The following ATG10 variants were observed in gnomAD, a reference collection of about 807,000 sequenced individuals.
ATG10 encodes ubiquitin-like-conjugating enzyme ATG10.
ATG10 carries 30 observed loss-of-function variants against 32.1 expected under a neutral mutation model. The ratio of observed to expected loss-of-function variants is 0.94; its 90% confidence interval spans 0.70 to 1.27. ATG10 has a LOEUF of 1.27. Among genes scored for constraint, ATG10 ranks in the 50% most tolerant of loss-of-function variants. The pLI, the probability that ATG10 is intolerant of heterozygous loss-of-function variation, is 0.00. For missense variants in ATG10, 233 were observed against 262.3 expected (o/e 0.89, Z 0.77); for synonymous variants, 87 against 91.5 (o/e 0.95, Z 0.28).
chr5:82,082,722 A>G (rs1764526710), intron 3 of ATG10, among the ~76,000 whole-genome samples: 1 of 152,216 alleles, frequency 6.6e-6, no homozygotes, highest in Non-Finnish European at 1.5e-5. Context: ...TTCATGAAAT[A>G]GAAACCATAT....
intron 1 of ATG10, among the ~76,000 whole-genome samples, chr5:81,979,159 C>T (rs1339933199): frequency 6.6e-6 from 1 of 152,004 alleles, no homozygotes; most frequent in East Asian, 1.9e-4. Flanking sequence ...CTCAGCTTCC[C>T]AAAGTGCTGG....
rs1170014307 is a variant in ATG10, at chr5:82,255,075, C to T, written c.*1012C>T. ...TTTAAACATTAAAATTTCTTTTTGACCTATAGTAATAAAACAATGGTCATT... is the reference window on the plus strand; with the variant it reads ...TTTAAACATTAAAATTTCTTTTTGATCTATAGTAATAAAACAATGGTCATT... On this transcript the variant is annotated 3_prime_UTR_variant, in exon 8 of 8. Transcript: ENST00000282185. 3 of 152,098 alleles carry T rather than the reference C, an allele frequency of 2.0e-5. No individual in the cohort carries two copies. Among genetic ancestry groups the T allele is most frequent in the Admixed American group, 2.0e-4 (3 of 15,274 alleles). 9.4% of individuals were successfully genotyped at this position (152,098 alleles called of 1,614,324 possible).
At chr5:82,045,578 A>G (rs969212456) in intron 2 of ATG10, among the ~76,000 whole-genome samples, 3 of 152,144 alleles carry the variant, frequency 2.0e-5, no homozygotes, top group Non-Finnish European at 4.4e-5. Flanking sequence ...TTTCTGAGAC[A>G]TTAATGCCAA....
At chr5:82,220,764 T>C (rs78255628) in intron 5 of ATG10, among the ~76,000 whole-genome samples, 14 of 146,554 alleles carry the variant, frequency 9.6e-5, no homozygotes, top group South Asian at 6.4e-4. Flanking sequence ...TTCTCTCTCT[T>C]TTTTTTTTTT....
At chr5:82,135,580 C>T (rs949283169) in intron 3 of ATG10, among the ~76,000 whole-genome samples, 8 of 152,192 alleles carry the variant, frequency 5.3e-5, no homozygotes, top group African/African-American at 1.9e-4. Flanking sequence ...GCACTGTGAT[C>T]TGAGAGACTG....
chr5:82,006,979 G>A (rs1294516635), intron 2 of ATG10, among the ~76,000 whole-genome samples: 2 of 151,934 alleles, frequency 1.3e-5, no homozygotes, highest in Admixed American at 6.6e-5. Flanking sequence ...TCAGCCTCCC[G>A]AGTAGCTGGG....
intron 3 of ATG10, among the ~76,000 whole-genome samples, chr5:82,156,724 C>A (rs990709950): frequency 1.3e-5 from 2 of 152,144 alleles, no homozygotes; most frequent in African/African-American, 4.8e-5. Context: ...AAAATTTTCC[C>A]CTCTTCCTCT....
chr5:82,017,681 T>A (rs1762327113), intron 2 of ATG10, among the ~76,000 whole-genome samples: 1 of 152,138 alleles, frequency 6.6e-6, no homozygotes, highest in African/African-American at 2.4e-5. Flanking sequence ...GTAGTAAAAT[T>A]TCTTTTCTTA....
intron 5 of ATG10, among the ~76,000 whole-genome samples, chr5:82,188,668 G>A (rs1257310855): frequency 3.3e-5 from 5 of 152,158 alleles, no homozygotes; most frequent in Admixed American, 2.6e-4. Flanking sequence ...GAAGCCTGGG[G>A]GCTGGGGGTG....
At chr5:82,191,444 G>A (rs1274251995) in intron 5 of ATG10, among the ~76,000 whole-genome samples, 6 of 152,120 alleles carry the variant, frequency 3.9e-5, no homozygotes. Flanking sequence ...AAGCCCTTAA[G>A]GTCTGCTCTT....
intron 5 of ATG10, among the ~76,000 whole-genome samples, chr5:82,228,545 T>C (rs960012971): frequency 1.3e-5 from 2 of 152,204 alleles, no homozygotes; most frequent in African/African-American, 4.8e-5. Context: ...AATAGAGATA[T>C]GAATTCAAGG....
At chr5:82,215,589 C>G (rs2149984882) in intron 5 of ATG10, among the ~76,000 whole-genome samples, 1 of 152,128 alleles carries the variant, frequency 6.6e-6, no homozygotes, top group South Asian at 2.1e-4. Context: ...TCATTTTGTC[C>G]TGAAACAAAG....
chr5:82,141,886 T>TC (rs946280241), intron 3 of ATG10, among the ~76,000 whole-genome samples: 38 of 152,122 alleles, frequency 2.5e-4, no homozygotes, highest in Non-Finnish European at 3.7e-4. Context: ...TGGGATAGCC[T>TC]CCCTCATATC....
chr5:82,183,556 G>A (rs1025449263), intron 5 of ATG10, among the ~76,000 whole-genome samples: 1 of 152,060 alleles, frequency 6.6e-6, no homozygotes, highest in Non-Finnish European at 1.5e-5. Flanking sequence ...GGGACATTAT[G>A]TCTGGTTATC....
chr5:82,255,016 T>A lies in ATG10; in HGVS notation c.*953T>A, dbSNP rs1301466845. ...GTTTTACCAGCAAAGTGTGGCATAGTAATTAGAAGTTTTCTAAAAAGCTAT... is the reference window on the plus strand; with the variant it reads ...GTTTTACCAGCAAAGTGTGGCATAGAAATTAGAAGTTTTCTAAAAAGCTAT... On this transcript the variant is annotated 3_prime_UTR_variant, in exon 8 of 8. Transcript: ENST00000282185. 6.6e-6 allele frequency: 1 copy of A among 152,104 alleles called. No individual in the cohort carries two copies. The highest frequency in any genetic ancestry group is 1.9e-4 in the East Asian group (1 of 5,196). The allele number at this position is 152,104 out of a possible 1,614,324, so 9.4% of individuals were successfully genotyped here. A position where few individuals can be genotyped will look rare whatever the true frequency, so the allele number is the denominator to read the frequency against.
intron 3 of ATG10, among the ~76,000 whole-genome samples, chr5:82,120,166 G>T (rs1426686732): frequency 1.3e-5 from 2 of 151,944 alleles, no homozygotes; most frequent in Non-Finnish European, 2.9e-5. Flanking sequence ...AGTAAATTTG[G>T]GTTGAAAGAT....
intron 3 of ATG10, among the ~76,000 whole-genome samples, chr5:82,065,771 C>T (rs927358943): frequency 2.6e-5 from 4 of 151,898 alleles, no homozygotes; most frequent in African/African-American, 4.8e-5. Context: ...ATACATGAAA[C>T]GATAATTTAC....
intron 3 of ATG10, among the ~76,000 whole-genome samples, chr5:82,070,981 G>T (rs1764113369): frequency 6.6e-6 from 1 of 152,006 alleles, no homozygotes; most frequent in Non-Finnish European, 1.5e-5. Context: ...TACTGACTAA[G>T]CCCCTTCCTC....
intron 5 of ATG10, among the ~76,000 whole-genome samples, chr5:82,217,773 G>A (rs954169773): frequency 6.6e-6 from 1 of 150,950 alleles, no homozygotes; most frequent in Admixed American, 6.6e-5. Context: ...AGGAATTTGA[G>A]GCCAGCCTGG....
Sources: allele counts gnomAD v4.1 joint callset (sites outside exome capture counted in the v4.1 genomes callset), GRCh38; gene constraint gnomAD v4.1.1; transcripts MANE v1.5; gene names NCBI Gene and HGNC (gene_info 2026-07-23, HGNC 2026-07-21).